Variants in CELSR1 observed in about 807,000 individuals in gnomAD.
CELSR1 encodes adhesion G protein-coupled receptor C1.
A neutral mutation model predicts 249.1 loss-of-function variants in CELSR1; 110 were observed. That is an observed-to-expected ratio of 0.44 (90% confidence interval 0.38 to 0.52). The LOEUF (loss-of-function observed/expected upper bound fraction) is 0.52. Among genes scored for constraint, CELSR1 ranks in the 20% least tolerant of loss-of-function variants. The pLI is 0.00. For missense variants in CELSR1, 4,109 were observed against 4,296.4 expected (o/e 0.96, Z 1.22); for synonymous variants, 2,113 against 1,900.0 (o/e 1.11, Z -2.92).
intron 1 of CELSR1, among the ~76,000 whole-genome samples, chr22:46,507,798 G>T (rs912330211): frequency 3.3e-5 from 5 of 152,186 alleles, no homozygotes; most frequent in African/African-American, 1.2e-4. Flanking sequence ...CTGTGAAGCC[G>T]GCGAGCCTGC....
Position 46,367,092 on chromosome 22 carries a change from G to A in CELSR1, c.8106C>T (p.Cys2702=), listed in dbSNP as rs144415651. The A allele has an allele frequency of 3.9e-5, 63 of 1,611,374 alleles. No individual in the cohort carries two copies. Among genetic ancestry groups the A allele is most frequent in the Middle Eastern group, 1.9e-4 (1 of 5,278 alleles). ...LQGPFVLLFH[C]VLNQEVRKHL... ...GCTTCCGGACCTCCTGGTTGAGCAC[G>A]CAGTGGAAAAGGAGGACGAAGGGGC... is the stretch of plus-strand genomic sequence containing the variant. Residue 2702 remains cysteine (C), a synonymous_variant, in exon 29 of 35, where the codon TGC becomes TGT. Transcript: ENST00000674500.
At chr22:46,460,466 T>A (rs1358218690) in intron 2 of CELSR1, among the ~76,000 whole-genome samples, 1 of 152,090 alleles carries the variant, frequency 6.6e-6, no homozygotes, top group Non-Finnish European at 1.5e-5. Context: ...ACATTTCAGA[T>A]GAAGGGATGG....
rs545227873 is a variant in CELSR1 at position 46,428,977 on chromosome 22, C to T, written c.4611+4416G>A. ...CGAGCCACCCTTGCTTCCCCAGGGC[C>T]CCGTTAAACATCTTGCTGGCACGTC... On this transcript the variant is annotated intron_variant, in intron 5 of 34. Coordinates refer to ENST00000674500, the MANE Select transcript of CELSR1 (RefSeq NM_001378328.1). This position sits in a 1 kb window ranked among gnomAD's most constrained non-coding sequence, Gnocchi z 5.7. Among the ~76,000 whole-genome samples the T allele has an allele frequency of 1.3e-5, 2 of 152,252 alleles. No homozygotes were observed. The highest frequency in any genetic ancestry group is 3.9e-4 in the East Asian group (2 of 5,178).
intron 2 of CELSR1, among the ~76,000 whole-genome samples, chr22:46,444,138 C>T (rs758342349): frequency 1.3e-5 from 2 of 152,238 alleles, no homozygotes; most frequent in Admixed American, 6.5e-5. Context: ...ATGACCTCCA[C>T]GTAGCTTCCC....
intron 2 of CELSR1, among the ~76,000 whole-genome samples, chr22:46,458,394 C>T (rs992993906): frequency 1.6e-4 from 24 of 152,086 alleles, no homozygotes; most frequent in Admixed American, 5.2e-4. Flanking sequence ...CAGGGCAGGA[C>T]GAGGGTGGCA....
Position 46,364,144 on chromosome 22 carries a change from A to T in CELSR1, c.8887T>A (p.Ser2963Thr). Residue 2963 changes from serine to threonine, a missense_variant, in exon 34 of 35, where the codon TCC (serine) becomes ACC (threonine). Transcript: ENST00000674500. Reference sequence around the variant, plus strand: ...GAGCCCAGGGAAGACGTGCGCGAGGATGTGGGGCTCTGCTCACAGTCGGCC... The same window carrying T: ...GAGCCCAGGGAAGACGTGCGCGAGGTTGTGGGGCTCTGCTCACAGTCGGCC... ...KLADCEQSPT[S>T]SRTSSLGSGG... The T allele has an allele frequency of 6.2e-7, 1 of 1,607,626 alleles. No homozygotes were observed. Among genetic ancestry groups the T allele is most frequent in the Non-Finnish European group, 8.5e-7 (1 of 1,179,612 alleles).
intron 5 of CELSR1, among the ~76,000 whole-genome samples, chr22:46,426,158 A>T (rs1485043103): frequency 1.1e-5 from 1 of 93,262 alleles, no homozygotes; most frequent in Admixed American, 8.8e-5. Flanking sequence ...GAGGGGGCTG[A>T]GTGAAGCTGC....
At position 46,391,473 on chromosome 22, in the gene CELSR1, C is replaced by T. The variant is rs1474060453; in HGVS notation, c.6148+160G>A. On this transcript the variant is annotated intron_variant, in intron 15 of 34. Coordinates refer to ENST00000674500, the MANE Select transcript of CELSR1 (RefSeq NM_001378328.1). This position sits in a 1 kb window ranked among gnomAD's most constrained non-coding sequence, Gnocchi z 4.3. ...GGGGTGACCAGGCTCTGACCCACAC[C>T]CCCTCACGCAGAACCAGGTTTCTAG... Among the ~76,000 whole-genome samples the T allele has an allele frequency of 6.6e-6, 1 of 152,046 alleles. No individual in the cohort carries two copies. The highest frequency in any genetic ancestry group is 2.4e-5 in the African/African-American group (1 of 41,400).
rs377628655 is a variant in CELSR1, at chr22:46,484,170, G to A, written c.3545-19825C>T. Among the ~76,000 whole-genome samples, 2 of 152,212 alleles carry A rather than the reference G, an allele frequency of 1.3e-5. No individual in the cohort carries two copies. The highest frequency in any genetic ancestry group is 4.8e-5 in the African/African-American group (2 of 41,456). On this transcript the variant is annotated intron_variant, in intron 1 of 34. Coordinates refer to ENST00000674500, the MANE Select transcript of CELSR1 (RefSeq NM_001378328.1). This position sits in a 1 kb window ranked among gnomAD's most constrained non-coding sequence, Gnocchi z 4.5. ...CAGGGCAAGAGAAGGGGAGCTGCTG[G>A]GGAGAGCCGTTACGACGGTGGGGAC... is the stretch of plus-strand genomic sequence containing the variant.
chr22:46,411,858 G>A lies in CELSR1; in HGVS notation c.4612-99C>T, dbSNP rs1404745710. On this transcript the variant is annotated intron_variant, in intron 5 of 34. Transcript: ENST00000674500. This position sits in a 1 kb window ranked among gnomAD's most constrained non-coding sequence, Gnocchi z 4.2. ...ATAGAGCGAGGAGGACATGGCACAG[G>A]GTGGGCGGCACGTAGACAAGGGATG... is the stretch of plus-strand genomic sequence containing the variant. 1.3e-6 allele frequency: 2 copies of A among 1,492,348 alleles called. No individual in the cohort carries two copies. The highest frequency in any genetic ancestry group is 2.3e-5 in the East Asian group (1 of 44,178). 92.4% of individuals were successfully genotyped at this position (1,492,348 alleles called of 1,614,324 possible). A position where few individuals can be genotyped will look rare whatever the true frequency, so the allele number is the denominator to read the frequency against.
intron 1 of CELSR1, among the ~76,000 whole-genome samples, chr22:46,480,946 T>A (rs2080259729): frequency 6.6e-6 from 1 of 152,206 alleles, no homozygotes. Flanking sequence ...CTTAAAAGAC[T>A]AAAATTCCGG....
intron 1 of CELSR1, chr22:46,481,525 T>C: frequency 7.3e-7 from 1 of 1,369,602 alleles, no homozygotes; most frequent in Non-Finnish European, 1.0e-6. Flanking sequence ...CTGGAACTTC[T>C]CCAGCTCACT....
In CELSR1 at chr22:46,446,738, A is replaced by G. The variant is rs1236567903; in HGVS notation, c.4184-7327T>C. On this transcript the variant is annotated intron_variant, in intron 2 of 34. Coordinates refer to ENST00000674500, the MANE Select transcript of CELSR1 (RefSeq NM_001378328.1). The surrounding 1 kb of genome is among the most constrained non-coding windows in gnomAD (Gnocchi z 5.5). ...CTGCACTTAATCCATGAGTTACAAAACGACATAATTCCCATATTTGATTCA... is the reference window on the plus strand; with the variant it reads ...CTGCACTTAATCCATGAGTTACAAAGCGACATAATTCCCATATTTGATTCA... 6.6e-6 allele frequency among the ~76,000 whole-genome samples: 1 copy of G among 152,132 alleles called. No individual in the cohort carries two copies. The highest frequency in any genetic ancestry group is 1.5e-5 in the Non-Finnish European group (1 of 68,022).
At chr22:46,475,761 T>C (rs4823553) in intron 1 of CELSR1, among the ~76,000 whole-genome samples, 100,241 of 151,800 alleles carry the variant, frequency 0.66, 33,716 homozygotes, top group East Asian at 0.85. Flanking sequence ...TCACATAATC[T>C]TCGATAACAC....
chr22:46,394,502 G>GC, intron 13 of CELSR1, among the ~76,000 whole-genome samples: 1 of 152,154 alleles, frequency 6.6e-6, no homozygotes, highest in Non-Finnish European at 1.5e-5. Context: ...TCCACCGTGT[G>GC]CCCCACGTCC....
rs149702271 is a variant in CELSR1 at position 46,396,189 on chromosome 22, T to C, written c.5843+416A>G. Among the ~76,000 whole-genome samples the C allele has an allele frequency of 0.015, 2,251 of 152,172 alleles. 53 individuals carry two copies. The highest frequency in any genetic ancestry group is 0.051 in the African/African-American group (2,112 of 41,500). On this transcript the variant is annotated intron_variant, in intron 13 of 34. Transcript: ENST00000674500. The surrounding 1 kb of genome is among the most constrained non-coding windows in gnomAD (Gnocchi z 6.4). ...TGGGAGGCTGAGGCAGGTGGATCACTTGAGGTCAGGAGTTCGAGACCAGCC... is the reference window on the plus strand; with the variant it reads ...TGGGAGGCTGAGGCAGGTGGATCACCTGAGGTCAGGAGTTCGAGACCAGCC...
Position 46,445,958 on chromosome 22 carries a change from C to A in CELSR1, c.4184-6547G>T, listed in dbSNP as rs1007926313. On this transcript the variant is annotated intron_variant, in intron 2 of 34. Coordinates refer to ENST00000674500, the MANE Select transcript of CELSR1 (RefSeq NM_001378328.1). The surrounding 1 kb of genome is among the most constrained non-coding windows in gnomAD (Gnocchi z 4.4). ...AGCCACAAGCCCCCTCGCCTCGCGG[C>A]CCCTGCTCCTGCCGCACAGCCTCCA... Among the ~76,000 whole-genome samples, 4 of 152,182 alleles carry A rather than the reference C, an allele frequency of 2.6e-5. No homozygotes were observed. The highest frequency in any genetic ancestry group is 5.9e-5 in the Non-Finnish European group (4 of 68,028).
At position 46,398,774 on chromosome 22, in the gene CELSR1, C is replaced by A. The variant is rs924781872; in HGVS notation, c.5413-137G>T. The stretch of plus-strand genomic sequence containing the variant: ...CAGAGCCTGAGGACATCTGGGCCTC[C>A]AAAGAGAGAGCTGGGCCCAGCTGGA... On this transcript the variant is annotated intron_variant, in intron 10 of 34. Coordinates refer to ENST00000674500, the MANE Select transcript of CELSR1 (RefSeq NM_001378328.1). The surrounding 1 kb of genome is among the most constrained non-coding windows in gnomAD (Gnocchi z 7.2). The A allele has an allele frequency of 4.7e-6, 3 of 635,994 alleles. No homozygotes were observed. The highest frequency in any genetic ancestry group is 3.7e-5 in the African/African-American group (2 of 53,384). The allele number at this position is 635,994 out of a possible 1,614,324, so 39.4% of individuals were successfully genotyped here.
Position 46,380,315 on chromosome 22 carries a change from G to C in CELSR1, c.7256+473C>G, listed in dbSNP as rs1167390115. Reference sequence around the variant, plus strand: ...TGCTGCGGCCAGGTGTGGCCTCTTGGGGGTGAAGCCAGTCCCCACAGCTAG... The same window carrying C: ...TGCTGCGGCCAGGTGTGGCCTCTTGCGGGTGAAGCCAGTCCCCACAGCTAG... On this transcript the variant is annotated intron_variant, in intron 22 of 34. Transcript: ENST00000674500. This position sits in a 1 kb window ranked among gnomAD's most constrained non-coding sequence, Gnocchi z 5.1. Among the ~76,000 whole-genome samples, 1 of 152,208 alleles carries C rather than the reference G, an allele frequency of 6.6e-6. No individual in the cohort carries two copies. The highest frequency in any genetic ancestry group is 6.5e-5 in the Admixed American group (1 of 15,284).
Sources: allele counts gnomAD v4.1 joint callset (sites outside exome capture counted in the v4.1 genomes callset), GRCh38; gene constraint gnomAD v4.1.1; non-coding constraint Gnocchi (gnomAD v3.1); transcripts MANE v1.5; gene names NCBI Gene and HGNC (gene_info 2026-07-23, HGNC 2026-07-21).